Variants in SLC8B1 observed in about 807,000 individuals in gnomAD.
The protein encoded by SLC8B1 is mitochondrial sodium/calcium exchanger protein.
Under a neutral mutation model 63.4 loss-of-function variants are expected in SLC8B1, and 52 were observed. The ratio of observed to expected loss-of-function variants is 0.82; its 90% CI spans 0.66 to 1.03. The LOEUF (loss-of-function observed/expected upper bound fraction) is 1.03. Ranked by LOEUF, SLC8B1 falls within the 50% of genes least tolerant of loss-of-function variation. The pLI is 0.00. For synonymous variants in SLC8B1, 336 were observed against 323.9 expected (o/e 1.04, Z -0.40); for missense variants, 657 against 741.7 (o/e 0.89, Z 1.33).
Position 113,320,352 on chromosome 12 carries a change from C to T in SLC8B1, c.673G>A (p.Val225Ile). 1 of 1,614,130 alleles carries T rather than the reference C, an allele frequency of 6.2e-7. No individual in the cohort carries two copies. The highest frequency in any genetic ancestry group is 8.5e-7 in the Non-Finnish European group (1 of 1,180,006). The change falls in exon 7 of 16, where the codon GTC (valine) becomes ATC (isoleucine). Residue 225 changes from valine (V) to isoleucine (I), a missense_variant. Val to Ile is a conservative substitution (Grantham distance 29). Transcript: ENST00000680972. The surrounding 1 kb of genome is among the most constrained non-coding windows in gnomAD (Gnocchi z 5.3). ...LTFLMLFRGR[V>I]TLAWALGYLG... The stretch of plus-strand genomic sequence containing the variant: ...TCACCCAGAGCCCATGCCAGGGTGA[C>T]CCTGCCACGGAAGAGCATGAGGAAG...
rs1241737283 is a variant in SLC8B1 at position 113,298,885 on chromosome 12, G to A, written c.*892C>T. 1 of 152,240 alleles carries A rather than the reference G, an allele frequency of 6.6e-6. No homozygotes were observed. The highest frequency in any genetic ancestry group is 1.5e-5 in the Non-Finnish European group (1 of 68,052). 9.4% of individuals were successfully genotyped at this position (152,240 alleles called of 1,614,324 possible). A position where few individuals can be genotyped will look rare whatever the true frequency, so the allele number is the denominator to read the frequency against. ...TGCTTATTTCGGCAACATAAGGCGGGGTCATTGCATGACAGCAAGAAGGCA... is the reference window on the plus strand; with the variant it reads ...TGCTTATTTCGGCAACATAAGGCGGAGTCATTGCATGACAGCAAGAAGGCA... On this transcript the variant is annotated 3_prime_UTR_variant, in exon 16 of 16. Coordinates refer to ENST00000680972, the MANE Select transcript of SLC8B1 (RefSeq NM_001358345.2).
At chr12:113,332,556 G>A (rs1196657887) in intron 2 of SLC8B1, among the ~76,000 whole-genome samples, 167 bp downstream of exon 2, 1 of 152,164 alleles carries the variant, frequency 6.6e-6, no homozygotes, top group Non-Finnish European at 1.5e-5. Context: ...TGATCTGTCT[G>A]TTCAGGAGAC....
At chr12:113,303,513 T>C (rs531242269) in intron 15 of SLC8B1, among the ~76,000 whole-genome samples, 2 of 152,286 alleles carry the variant, frequency 1.3e-5, no homozygotes, top group Non-Finnish European at 2.9e-5. Flanking sequence ...CTCCCCAGCC[T>C]ACGTCTTCCT....
In SLC8B1 at chr12:113,320,661, T is replaced by C. The variant is rs1470482170; in HGVS notation, c.446A>G (p.Asn149Ser). The C allele has an allele frequency of 2.5e-6, 4 of 1,613,808 alleles. No homozygotes were observed. The highest frequency in any genetic ancestry group is 1.3e-5 in the African/African-American group (1 of 74,926). Residue 149 changes from asparagine to serine, a missense_variant, in exon 6 of 16, where the codon AAT (asparagine) becomes AGT (serine). By Grantham distance (46) the Asn-to-Ser change is conservative (BLOSUM62 1). Coordinates refer to ENST00000680972, the MANE Select transcript of SLC8B1 (RefSeq NM_001358345.2). The surrounding 1 kb of genome is among the most constrained non-coding windows in gnomAD (Gnocchi z 5.3). ...GGCACTGAAGATGTCAGGTGCACCATTCCCAAATGCCAGGAAGGTGACGCC... is the reference window on the plus strand; with the variant it reads ...GGCACTGAAGATGTCAGGTGCACCACTCCCAAATGCCAGGAAGGTGACGCC... The part of the protein sequence containing the change: ...VAGVTFLAFG[N>S]GAPDIFSALV...
At chr12:113,328,117 CA>C (rs1957017784) in intron 2 of SLC8B1, among the ~76,000 whole-genome samples, 1 of 152,144 alleles carries the variant, frequency 6.6e-6, no homozygotes, top group African/African-American at 2.4e-5. Context: ...ACTCCAGCCT[CA>C]ACCACTCAGG....
intron 15 of SLC8B1, among the ~76,000 whole-genome samples, chr12:113,303,695 G>C (rs1315511234): frequency 6.6e-6 from 1 of 152,130 alleles, no homozygotes; most frequent in Non-Finnish European, 1.5e-5. Context: ...AGAGGACCTG[G>C]AATATCTGGC....
Position 113,299,673 on chromosome 12 carries a change from G to T in SLC8B1, c.*104C>A, listed in dbSNP as rs757609391. The T allele has an allele frequency of 8.9e-7, 1 of 1,122,194 alleles. No homozygotes were observed. The highest frequency in any genetic ancestry group is 1.3e-6 in the Non-Finnish European group (1 of 751,960). 69.5% of individuals were successfully genotyped at this position (1,122,194 alleles called of 1,614,324 possible). A position where few individuals can be genotyped will look rare whatever the true frequency, so the allele number is the denominator to read the frequency against. ...CTCCAGCAGCAAGGGCCGCACTCTC[G>T]TGCCCACAAGGGCCTTGCAGAAATG... On this transcript the variant is annotated 3_prime_UTR_variant, in exon 16 of 16. Transcript: ENST00000680972.
intron 12 of SLC8B1, 160 bp from the exon 13 acceptor site, chr12:113,308,004 G>A: frequency 1.2e-6 from 1 of 814,380 alleles, no homozygotes; most frequent in Non-Finnish European, 1.8e-6. Flanking sequence ...TGCAAAGTTA[G>A]TGCTCAATAA....
Position 113,321,097 on chromosome 12 carries a change from C to T in SLC8B1, c.321G>A (p.Leu107=). 2.5e-6 allele frequency: 4 copies of T among 1,613,956 alleles called. No individual in the cohort carries two copies. The highest frequency in any genetic ancestry group is 3.4e-6 in the Non-Finnish European group (4 of 1,179,938). Residue 107 remains leucine, a synonymous_variant, in exon 4 of 16, where the codon CTG becomes CTA. Transcript: ENST00000680972. ...CTCCCAGAATCAGAAACAGGTAGAG[C>T]AGCCAGGAAACCTGGGTGGGGAGCG... ...PLAVTLYVSW[L]LYLFLILGVT...
chr12:113,306,687 G>T, intron 13 of SLC8B1, 112 bp from the exon 14 acceptor site: 1 of 831,420 alleles, frequency 1.2e-6, no homozygotes, highest in Non-Finnish European at 2.0e-6. Context: ...ACAGATGGAT[G>T]CCCAAGTGTG....
Position 113,330,058 on chromosome 12 carries a change from C to G in SLC8B1, c.156+2665G>C, listed in dbSNP as rs554837767. Among the ~76,000 whole-genome samples, 13 of 152,300 alleles carry G rather than the reference C, an allele frequency of 8.5e-5. No individual in the cohort carries two copies. In the South Asian group the frequency reaches 1.9e-3, roughly 22 times the overall value. On this transcript the variant is annotated intron_variant, in intron 2 of 15. Transcript: ENST00000680972. The stretch of plus-strand genomic sequence containing the variant: ...TCTAAATGTCATGTCCTCAGAGAGG[C>G]CTTCCATGATAGCCTAAGCAAAGCA...
In SLC8B1 at chr12:113,320,436, C is replaced by T; in HGVS notation, c.589G>A (p.Ala197Thr). The T allele has an allele frequency of 6.2e-7, 1 of 1,614,168 alleles. No individual in the cohort carries two copies. The highest frequency in any genetic ancestry group is 1.3e-5 in the African/African-American group (1 of 75,046). ...GGITILHPFMAASRPFFRDIV... is the reference protein window; with the variant it reads ...GGITILHPFMTASRPFFRDIV... ...TCCCTGAAGAAGGGCCTGGAGGCAG[C>T]CATGAAGGGGTGTAGGATGGTAATG... is the stretch of plus-strand genomic sequence containing the variant. The change falls in exon 7 of 16, where the codon GCT becomes ACT. Residue 197 changes from alanine to threonine, a missense_variant. Coordinates refer to ENST00000680972, the MANE Select transcript of SLC8B1 (RefSeq NM_001358345.2). The surrounding 1 kb of genome is among the most constrained non-coding windows in gnomAD (Gnocchi z 5.3).
At chr12:113,325,729 T>C (rs1337736893) in intron 2 of SLC8B1, among the ~76,000 whole-genome samples, 1 of 150,208 alleles carries the variant, frequency 6.7e-6, no homozygotes, top group Non-Finnish European at 1.5e-5. Flanking sequence ...CACGCCCAGC[T>C]AATTTTTTGT....
intron 8 of SLC8B1, 74 bp downstream of exon 8, chr12:113,318,890 C>G: frequency 1.7e-6 from 2 of 1,181,528 alleles, no homozygotes; most frequent in Admixed American, 3.6e-5. Flanking sequence ...CTCAGGAGAC[C>G]CTGGGCAGCA....
intron 2 of SLC8B1, among the ~76,000 whole-genome samples, chr12:113,323,727 A>C (rs556635767): frequency 6.6e-6 from 1 of 152,112 alleles, no homozygotes; most frequent in Non-Finnish European, 1.5e-5. Context: ...ACAACAACAA[A>C]AAAAGCTAAG....
chr12:113,331,793 A>G (rs67396996), intron 2 of SLC8B1, among the ~76,000 whole-genome samples: 11,391 of 152,140 alleles, frequency 0.075, 498 homozygotes, highest in Non-Finnish European at 0.1. Context: ...CTATCCTATT[A>G]GTTCTGTCCC....
At chr12:113,323,419 G>A (rs1956956830) in intron 2 of SLC8B1, among the ~76,000 whole-genome samples, 2 of 152,104 alleles carry the variant, frequency 1.3e-5, no homozygotes, top group African/African-American at 4.8e-5. Context: ...TTGTTAAACT[G>A]CAAGTCTGGC....
Position 113,315,474 on chromosome 12 carries a change from CA to C in SLC8B1, c.995del (p.Leu332ArgfsTer41). 6.3e-7 allele frequency: 1 copy of C among 1,590,978 alleles called. No individual in the cohort carries two copies. The highest frequency in any genetic ancestry group is 8.6e-7 in the Non-Finnish European group (1 of 1,169,222). The stretch of plus-strand genomic sequence containing the variant: ...TGAGGAGCAGCAGGAACTCCACAGG[CA>C]GCTGTCAAGGGGGCAAAAGTGGGAG... Reference protein sequence around the residue: ...AYWKALKVFKLPVEFLLLLTV... With the variant: ...AYWKALKVFKXPVEFLLLLTV... On this transcript the variant is annotated frameshift_variant and splice_region_variant, in exon 11 of 16. Transcript: ENST00000680972. LOFTEE classifies it high-confidence loss of function.
intron 2 of SLC8B1, among the ~76,000 whole-genome samples, chr12:113,324,714 T>C (rs994230437): frequency 6.7e-5 from 10 of 150,368 alleles, no homozygotes; most frequent in African/African-American, 9.8e-5. Context: ...GCCCCTTTTT[T>C]TTCCTTTGAG....
Sources: allele counts gnomAD v4.1 joint callset (sites outside exome capture counted in the v4.1 genomes callset), GRCh38; gene constraint gnomAD v4.1.1; non-coding constraint Gnocchi (gnomAD v3.1); transcripts MANE v1.5; gene names NCBI Gene and HGNC (gene_info 2026-07-23, HGNC 2026-07-21).